Variants in NRG1 observed in about 807,000 individuals in gnomAD.
NRG1 encodes neuregulin 1.
In NRG1, 18 loss-of-function variants were observed where a neutral mutation model predicts 63.8. That is an observed-to-expected ratio of 0.28 (90% CI 0.19 to 0.42). The LOEUF (loss-of-function observed/expected upper bound fraction) is 0.42. Ranked by LOEUF, NRG1 falls within the 10% of genes least tolerant of loss-of-function variation. NRG1 has a pLI of 1.00. For missense variants in NRG1, 762 were observed against 814.7 expected (o/e 0.94, Z 0.79); for synonymous variants, 302 against 301.3 (o/e 1.00, Z -0.02).
chr8:32,202,498 C>T (rs924940674), intron 1 of NRG1, among the ~76,000 whole-genome samples: 2 of 152,096 alleles, frequency 1.3e-5, no homozygotes, highest in Non-Finnish European at 2.9e-5. Context: ...AAGTGTTAAA[C>T]AGCTCAGTGA....
At chr8:31,906,699 T>C (rs758478208) in intron 1 of NRG1, among the ~76,000 whole-genome samples, 11 of 152,134 alleles carry the variant, frequency 7.2e-5, no homozygotes, top group Admixed American at 1.3e-4. Flanking sequence ...CTCTTTCTAG[T>C]GTGTGACATG....
intron 1 of NRG1, among the ~76,000 whole-genome samples, chr8:31,856,064 C>G (rs1460794213): frequency 7.3e-5 from 11 of 150,864 alleles, no homozygotes; most frequent in South Asian, 2.1e-4. Context: ...TTCATTTCAA[C>G]TTTGGTGAAT....
intron 1 of NRG1, among the ~76,000 whole-genome samples, chr8:31,664,591 A>G (rs1373574996): frequency 6.6e-6 from 1 of 152,212 alleles, no homozygotes; most frequent in Non-Finnish European, 1.5e-5. Flanking sequence ...TAGTCAGTAT[A>G]CCTGAAACTT....
At chr8:32,649,627 A>G (rs972857180) in intron 5 of NRG1, among the ~76,000 whole-genome samples, 4 of 152,232 alleles carry the variant, frequency 2.6e-5, no homozygotes, top group Non-Finnish European at 2.9e-5. Context: ...GTAGTGCAGC[A>G]TGCTGTAGAA....
At chr8:32,214,560 T>G (rs574128412) in intron 1 of NRG1, among the ~76,000 whole-genome samples, 1 of 152,212 alleles carries the variant, frequency 6.6e-6, no homozygotes, top group African/African-American at 2.4e-5. Flanking sequence ...GGAGGATCAC[T>G]TGATCCCAGG....
intron 1 of NRG1, among the ~76,000 whole-genome samples, chr8:32,431,912 C>G (rs930085881): frequency 6.6e-6 from 1 of 152,002 alleles, no homozygotes; most frequent in East Asian, 1.9e-4. Flanking sequence ...GACTGTTAAG[C>G]AATTTAAGAT....
At chr8:32,085,420 T>G (rs1373131874) in intron 1 of NRG1, among the ~76,000 whole-genome samples, 1 of 152,252 alleles carries the variant, frequency 6.6e-6, no homozygotes, top group African/African-American at 2.4e-5. Context: ...TGCATTTGTT[T>G]TGTATTTTAA....
chr8:32,024,176 G>T (rs190999284), intron 1 of NRG1, among the ~76,000 whole-genome samples: 1 of 152,202 alleles, frequency 6.6e-6, no homozygotes, highest in Non-Finnish European at 1.5e-5. Context: ...TTTGATTCCA[G>T]TTGAAAACTT....
chr8:31,966,140 G>A (rs966659270), intron 1 of NRG1, among the ~76,000 whole-genome samples: 2 of 152,082 alleles, frequency 1.3e-5, no homozygotes, highest in Non-Finnish European at 2.9e-5. Context: ...TGAACTGCTG[G>A]ATCCCCAAGA....
At chr8:32,469,639 C>A (rs974907320) in intron 1 of NRG1, among the ~76,000 whole-genome samples, 1 of 152,146 alleles carries the variant, frequency 6.6e-6, no homozygotes, top group South Asian at 2.1e-4. Context: ...AATGCCAGAT[C>A]CACAGTAAAT....
chr8:31,957,158 T>G (rs1056264087), intron 1 of NRG1, among the ~76,000 whole-genome samples: 1 of 151,850 alleles, frequency 6.6e-6, no homozygotes, highest in East Asian at 1.9e-4. Flanking sequence ...CAGAAAATTA[T>G]GAGTTTTGCA....
intron 1 of NRG1, among the ~76,000 whole-genome samples, chr8:31,645,522 A>T (rs1804205209): frequency 6.6e-6 from 1 of 152,196 alleles, no homozygotes. Context: ...GATAAAATAC[A>T]AGAAATTTTG....
intron 1 of NRG1, among the ~76,000 whole-genome samples, chr8:31,766,922 T>A (rs943309696): frequency 6.6e-6 from 1 of 152,364 alleles, no homozygotes. Flanking sequence ...TCTCCCTTTG[T>A]TCCACATGGT....
chr8:32,574,269 G>A (rs1488602251), intron 1 of NRG1, among the ~76,000 whole-genome samples: 4 of 152,224 alleles, frequency 2.6e-5, no homozygotes, highest in East Asian at 1.9e-4. Flanking sequence ...GAGACATTCC[G>A]TAATTATGTC....
chr8:32,686,834 G>A (rs1384282568), intron 5 of NRG1, among the ~76,000 whole-genome samples: 2 of 152,154 alleles, frequency 1.3e-5, no homozygotes, highest in African/African-American at 2.4e-5. Flanking sequence ...CAATGTATGG[G>A]CCAGGCTCAG....
chr8:31,957,863 A>T (rs1804712118), intron 1 of NRG1, among the ~76,000 whole-genome samples: 2 of 152,126 alleles, frequency 1.3e-5, no homozygotes, highest in South Asian at 4.1e-4. Flanking sequence ...CACTATTTCT[A>T]CCCCATCAGA....
chr8:32,433,521 C>A (rs1351251956), intron 1 of NRG1, among the ~76,000 whole-genome samples: 1 of 152,100 alleles, frequency 6.6e-6, no homozygotes, highest in Non-Finnish European at 1.5e-5. Flanking sequence ...ATAATTAATT[C>A]TTTAAGCAAT....
At chr8:31,944,241 G>C (rs1418553309) in intron 1 of NRG1, among the ~76,000 whole-genome samples, 2 of 152,150 alleles carry the variant, frequency 1.3e-5, no homozygotes, top group Non-Finnish European at 2.9e-5. Flanking sequence ...TTTCAAAGAA[G>C]GAAAGTTTGT....
chr8:32,098,481 T>C (rs892186203), intron 1 of NRG1, among the ~76,000 whole-genome samples: 3 of 152,196 alleles, frequency 2.0e-5, no homozygotes, highest in African/African-American at 7.2e-5. Context: ...AGTGTTAAGC[T>C]CATCAGGTTT....
Sources: allele counts gnomAD v4.1 joint callset (sites outside exome capture counted in the v4.1 genomes callset), GRCh38; gene constraint gnomAD v4.1.1; transcripts MANE v1.5; gene names NCBI Gene and HGNC (gene_info 2026-07-23, HGNC 2026-07-21).